IGF1R: variants seen among roughly 807,000 people sequenced by gnomAD.
The protein encoded by IGF1R is insulin-like growth factor 1 receptor.
Under a neutral mutation model 144.6 loss-of-function variants are expected in IGF1R, and 44 were observed. The observed-to-expected ratio is 0.30, with a 90% CI of 0.24 to 0.39. The LOEUF is 0.39. IGF1R is among the 10% of genes least tolerant of loss of function. IGF1R has a pLI of 1.00. For synonymous variants in IGF1R, 795 were observed against 722.8 expected, an observed-to-expected ratio of 1.10 and a Z score of -1.60; for missense variants, 1,355 against 1,833.7, an observed-to-expected ratio of 0.74 and a Z score of 4.77.
rs1330182200 is a variant in IGF1R at position 98,649,628 on chromosome 15, T to G, written c.47T>G (p.Leu16Arg). 6.2e-7 allele frequency: 1 copy of G among 1,608,524 alleles called. No individual in the cohort carries two copies. Among genetic ancestry groups the G allele is most frequent in the Admixed American group, 1.7e-5 (1 of 59,432 alleles). Residue 16 changes from leucine (L) to arginine (R), a missense_variant, in exon 1 of 21, where the codon CTC (leucine) becomes CGC (arginine). Transcript: ENST00000650285. Reference sequence around the variant, plus strand: ...GGGTCCCCGACCTCGCTGTGGGGGCTCCTGTTTCTCTCCGCCGCGCTCTCG... The same window carrying G: ...GGGTCCCCGACCTCGCTGTGGGGGCGCCTGTTTCTCTCCGCCGCGCTCTCG... Reference protein sequence around the residue: ...GGGSPTSLWGLLFLSAALSLW... With the variant: ...GGGSPTSLWGRLFLSAALSLW...
Position 98,891,764 on chromosome 15 carries a change from T to A in IGF1R, c.953+127T>A. On this transcript the variant is annotated intron_variant, in intron 3 of 20. Transcript: ENST00000650285. The surrounding 1 kb of genome is among the most constrained non-coding windows in gnomAD (Gnocchi z 4.7). ...TCAGGAAGTTCACTGAGGTGGGTCATTTTGAGAGGGCTGGCTTACCTTAAA... is the reference window on the plus strand; with the variant it reads ...TCAGGAAGTTCACTGAGGTGGGTCAATTTGAGAGGGCTGGCTTACCTTAAA... 1.2e-6 allele frequency: 1 copy of A among 861,772 alleles called. No homozygotes were observed. The highest frequency in any genetic ancestry group is 1.8e-6 in the Non-Finnish European group (1 of 543,010). 53.4% of individuals were successfully genotyped at this position (861,772 alleles called of 1,614,324 possible).
chr15:98,673,560 C>T (rs2052953390), intron 1 of IGF1R, among the ~76,000 whole-genome samples: 1 of 152,190 alleles, frequency 6.6e-6, no homozygotes, highest in Non-Finnish European at 1.5e-5. Context: ...AGTAGCCTTA[C>T]AGATCATTTT....
chr15:98,739,400 T>G lies in IGF1R; in HGVS notation c.640+31293T>G, dbSNP rs550059024. Among the ~76,000 whole-genome samples, 6 of 152,244 alleles carry G rather than the reference T, an allele frequency of 3.9e-5. No individual in the cohort carries two copies. In the Middle Eastern group the frequency reaches 0.01, roughly 259 times the overall value. On this transcript the variant is annotated intron_variant, in intron 2 of 20. Transcript: ENST00000650285. ...TCTCCCCCAAAGCGGCACTTTGATG[T>G]TTTTTCAGAGTCAAAGTATCACTGT...
At chr15:98,882,005 A>G (rs1478792974) in intron 2 of IGF1R, among the ~76,000 whole-genome samples, 5 of 152,266 alleles carry the variant, frequency 3.3e-5, no homozygotes, top group Non-Finnish European at 5.9e-5. Context: ...CTGGAACTTC[A>G]GGTGACTAGA....
intron 11 of IGF1R, 44 bp downstream of exon 11, chr15:98,922,475 C>T (rs754673447): frequency 6.3e-7 from 1 of 1,594,988 alleles, no homozygotes; most frequent in Non-Finnish European, 8.5e-7. Context: ...TTCCTCACAA[C>T]CTAGTGGAGA....
In IGF1R at chr15:98,959,816, C is replaced by T. The variant is rs1230871685; in HGVS notation, c.*2374C>T. On this transcript the variant is annotated 3_prime_UTR_variant, in exon 21 of 21. Transcript: ENST00000650285. ...TTTTGCTGGTCAGCAGTTTGTCCCA[C>T]TGCTTTCTCTAGTCTCTATCCCATA... 1 of 232,020 alleles carries T rather than the reference C, an allele frequency of 4.3e-6. No homozygotes were observed. The highest frequency in any genetic ancestry group is 6.1e-5 in the East Asian group (1 of 16,520). 14.4% of individuals were successfully genotyped at this position (232,020 alleles called of 1,614,324 possible).
chr15:98,789,255 A>G (rs1472536641), intron 2 of IGF1R, among the ~76,000 whole-genome samples: 2 of 152,366 alleles, frequency 1.3e-5, no homozygotes, highest in African/African-American at 2.4e-5. Context: ...CTGAGTTGAC[A>G]GGGACACATT....
At position 98,894,291 on chromosome 15, in the gene IGF1R, T is replaced by C. The variant is rs188196090; in HGVS notation, c.954-2466T>C. On this transcript the variant is annotated intron_variant, in intron 3 of 20. Transcript: ENST00000650285. ...TGGAGAGAAACTAAACATACACTTATGGTACAACCCAGCAGTTGTAACCCT... is the reference window on the plus strand; with the variant it reads ...TGGAGAGAAACTAAACATACACTTACGGTACAACCCAGCAGTTGTAACCCT... 7.2e-5 allele frequency among the ~76,000 whole-genome samples: 11 copies of C among 152,334 alleles called. 1 individual carries two copies. The East Asian group carries it at 1.5e-3, about 21-fold the overall frequency.
chr15:98,859,620 T>G (rs2012034494), intron 2 of IGF1R, among the ~76,000 whole-genome samples: 1 of 152,164 alleles, frequency 6.6e-6, no homozygotes, highest in South Asian at 2.1e-4. Context: ...TAAATTACGG[T>G]TTTTGCAAGC....
chr15:98,928,212 C>G (rs1159453046), intron 13 of IGF1R, among the ~76,000 whole-genome samples: 1 of 152,142 alleles, frequency 6.6e-6, no homozygotes, highest in African/African-American at 2.4e-5. Context: ...AGCTGTCATA[C>G]TGTATGAGCC....
At chr15:98,937,299 G>C (rs1439450532) in intron 17 of IGF1R, among the ~76,000 whole-genome samples, 2 of 152,166 alleles carry the variant, frequency 1.3e-5, no homozygotes, top group Non-Finnish European at 1.5e-5. Context: ...CCTCTGAAAA[G>C]TCCAAAACTC....
intron 1 of IGF1R, chr15:98,660,062 C>T (rs2052567165): frequency 6.6e-6 from 1 of 152,286 alleles, no homozygotes; most frequent in Admixed American, 6.5e-5. Flanking sequence ...GCTGGTTATT[C>T]AGTTTTACGT....
intron 18 of IGF1R, among the ~76,000 whole-genome samples, 190 bp from the exon 19 acceptor site, chr15:98,942,733 C>T (rs535559054): frequency 5.9e-5 from 9 of 152,232 alleles, no homozygotes; most frequent in Non-Finnish European, 1.2e-4. Flanking sequence ...ATTTGCTCAT[C>T]ATGTGATTAA....
At chr15:98,680,893 T>G (rs1053197543) in intron 1 of IGF1R, among the ~76,000 whole-genome samples, 6 of 150,728 alleles carry the variant, frequency 4.0e-5, no homozygotes, top group Non-Finnish European at 8.9e-5. Flanking sequence ...CTTCTTACTA[T>G]ATTTTTATTG....
intron 1 of IGF1R, among the ~76,000 whole-genome samples, chr15:98,672,569 CA>C (rs60559912): frequency 0.043 from 2,664 of 61,642 alleles, 24 homozygotes; most frequent in African/African-American, 0.049. Flanking sequence ...GACTCCATCT[CA>C]AAAAAAAAAA....
At chr15:98,660,427 T>C (rs1214212307) in intron 1 of IGF1R, 3 of 152,178 alleles carry the variant, frequency 2.0e-5, no homozygotes, top group Admixed American at 1.3e-4. Flanking sequence ...TCCCCCACCA[T>C]TGGGGAGGGG....
rs538905311 is a variant in IGF1R, at chr15:98,754,684, T to G, written c.640+46577T>G. On this transcript the variant is annotated intron_variant, in intron 2 of 20. Coordinates refer to ENST00000650285, the MANE Select transcript of IGF1R (RefSeq NM_000875.5). ...TTGGTTCCTTCTTTCTGTCTTTGTTTTTGAGAGGAATGAGCTTGGAATAAA... is the reference window on the plus strand; with the variant it reads ...TTGGTTCCTTCTTTCTGTCTTTGTTGTTGAGAGGAATGAGCTTGGAATAAA... 2.0e-5 allele frequency among the ~76,000 whole-genome samples: 3 copies of G among 152,272 alleles called. No individual in the cohort carries two copies. In the South Asian group the frequency reaches 6.2e-4, roughly 32 times the overall value.
At chr15:98,885,979 G>A (rs1179414373) in intron 2 of IGF1R, among the ~76,000 whole-genome samples, 2 of 152,046 alleles carry the variant, frequency 1.3e-5, no homozygotes, top group African/African-American at 2.4e-5. Flanking sequence ...ACCACACCTG[G>A]CTAATTTTTG....
At chr15:98,879,090 C>T (rs907001201) in intron 2 of IGF1R, among the ~76,000 whole-genome samples, 2 of 152,160 alleles carry the variant, frequency 1.3e-5, no homozygotes, top group African/African-American at 4.8e-5. Flanking sequence ...CGCCCCAGAA[C>T]GCCGAAGCAG....
Sources: gnomAD v4.1 joint callset for allele counts (sites outside exome capture counted in the v4.1 genomes callset) on GRCh38, gnomAD v4.1.1 for gene constraint, Gnocchi (gnomAD v3.1) non-coding constraint, MANE v1.5 for transcripts, NCBI Gene and HGNC (gene_info 2026-07-23, HGNC 2026-07-21) for gene names.